The following TMTC1 variants were observed in gnomAD, a reference collection of about 807,000 sequenced individuals.
TMTC1 encodes the protein protein O-mannosyl-transferase TMTC1.
Under a neutral mutation model 104.8 loss-of-function variants are expected in TMTC1, and 73 were observed. That is an observed-to-expected ratio of 0.70 (90% confidence interval 0.58 to 0.85). The LOEUF (loss-of-function observed/expected upper bound fraction) is 0.85. TMTC1 is among the 40% of genes least tolerant of loss of function. TMTC1 has a pLI of 0.00. For missense variants in TMTC1, 1,035 were observed against 1,096.1 expected (o/e 0.94, Z 0.79); for synonymous variants, 434 against 428.7 (o/e 1.01, Z -0.15).
intron 1 of TMTC1, among the ~76,000 whole-genome samples, chr12:29,781,259 T>A (rs1165141268): frequency 6.6e-6 from 1 of 152,236 alleles, no homozygotes; most frequent in Non-Finnish European, 1.5e-5. Flanking sequence ...TCTTCTAGAT[T>A]TGCAACTCAA....
At chr12:29,600,561 CTGT>C (rs1426784797) in intron 7 of TMTC1, among the ~76,000 whole-genome samples, 2 of 152,208 alleles carry the variant, frequency 1.3e-5, no homozygotes, top group Non-Finnish European at 1.5e-5. Flanking sequence ...ACAATAATGA[CTGT>C]GAAGAAAGAT....
intron 9 of TMTC1, among the ~76,000 whole-genome samples, chr12:29,558,867 T>C (rs559033155): frequency 9.2e-5 from 14 of 152,342 alleles, no homozygotes; most frequent in African/African-American, 3.1e-4. Flanking sequence ...AATATGTTTC[T>C]GTACCTGTCC....
rs1457152703 is a variant in TMTC1 at position 29,534,720 on chromosome 12, C to T, written c.1785+1489G>A. ...AAGGAACTAAAATAAAGTTCAACAT[C>T]ATTAAAATCTTGATCATTTTTAAAA... On this transcript the variant is annotated intron_variant, in intron 11 of 17. Transcript: ENST00000539277. 13 of 152,152 alleles carry T rather than the reference C, an allele frequency of 8.5e-5. 1 individual carries two copies. The highest frequency in any genetic ancestry group is 2.9e-4 in the African/African-American group (12 of 41,428). The allele number at this position is 152,152 out of a possible 1,614,324, so 9.4% of individuals were successfully genotyped here.
intron 5 of TMTC1, among the ~76,000 whole-genome samples, chr12:29,731,108 A>G (rs930980961): frequency 1.3e-5 from 2 of 152,222 alleles, no homozygotes; most frequent in Admixed American, 1.3e-4. Flanking sequence ...CGTTTTTACT[A>G]AAAGAGAATT....
At chr12:29,541,103 C>CA (rs1565656856) in intron 10 of TMTC1, among the ~76,000 whole-genome samples, 1 of 152,088 alleles carries the variant, frequency 6.6e-6, no homozygotes, top group Non-Finnish European at 1.5e-5. Flanking sequence ...TAAAATTTGA[C>CA]AAAAGGTGAC....
intron 5 of TMTC1, among the ~76,000 whole-genome samples, chr12:29,710,864 T>G (rs1404396489): frequency 1.5e-5 from 2 of 136,782 alleles, no homozygotes; most frequent in Non-Finnish European, 3.1e-5. Context: ...AATATATTAA[T>G]TATATTATTA....
chr12:29,570,550 T>C (rs909463000), intron 9 of TMTC1, among the ~76,000 whole-genome samples: 1 of 152,184 alleles, frequency 6.6e-6, no homozygotes, highest in Non-Finnish European at 1.5e-5. Flanking sequence ...GTTTAAAACT[T>C]CTGCCATATT....
chr12:29,536,364 CTT>C (rs1251703334), intron 10 of TMTC1, 47 bp from the exon 11 acceptor site: 3 of 1,211,690 alleles, frequency 2.5e-6, no homozygotes, highest in East Asian at 2.3e-5. Context: ...TTTAATAACA[CTT>C]TGTTTCAATC....
At chr12:29,773,700 G>A (rs1367946249) in intron 1 of TMTC1, among the ~76,000 whole-genome samples, 2 of 152,088 alleles carry the variant, frequency 1.3e-5, no homozygotes, top group Non-Finnish European at 2.9e-5. Context: ...GGGACAATAT[G>A]ATTAATAAGC....
intron 6 of TMTC1, chr12:29,613,821 G>A (rs563153708): frequency 2.6e-6 from 1 of 379,746 alleles, no homozygotes; most frequent in Non-Finnish European, 3.6e-6. Context: ...CATCCCTCGG[G>A]CAAAGTCTTC....
At chr12:29,704,737 CATGTGTT>C (rs1941692849) in intron 5 of TMTC1, among the ~76,000 whole-genome samples, 1 of 152,068 alleles carries the variant, frequency 6.6e-6, no homozygotes, top group African/African-American at 2.4e-5. Flanking sequence ...GCTGACAGCA[CATGTGTT>C]ATGATCCAAG....
intron 5 of TMTC1, among the ~76,000 whole-genome samples, chr12:29,736,635 G>C (rs989272753): frequency 1.3e-5 from 2 of 152,138 alleles, no homozygotes; most frequent in African/African-American, 4.8e-5. Context: ...GGCCAGGCTG[G>C]TCTTAAACTC....
At chr12:29,687,027 A>T (rs945142693) in intron 5 of TMTC1, among the ~76,000 whole-genome samples, 6 of 152,226 alleles carry the variant, frequency 3.9e-5, no homozygotes, top group Admixed American at 3.9e-4. Flanking sequence ...CATAGTAGAA[A>T]GCTAAGAAAC....
chr12:29,772,340 A>G (rs4244848), intron 1 of TMTC1, among the ~76,000 whole-genome samples: 60,065 of 152,058 alleles, frequency 0.4, 12,402 homozygotes, highest in Admixed American at 0.54. Flanking sequence ...GAAGGCATTC[A>G]TTTATCATTA....
chr12:29,693,352 C>T (rs1342158889), intron 5 of TMTC1, among the ~76,000 whole-genome samples: 2 of 144,572 alleles, frequency 1.4e-5, no homozygotes, highest in African/African-American at 5.1e-5. Context: ...AAACATTTAT[C>T]TTTTCTTTGT....
chr12:29,698,098 C>G (rs1941477784), intron 5 of TMTC1, among the ~76,000 whole-genome samples: 1 of 152,098 alleles, frequency 6.6e-6, no homozygotes. Flanking sequence ...AAGACTGGAC[C>G]AACCAAGGAA....
chr12:29,614,945 G>A (rs750731126), intron 6 of TMTC1, among the ~76,000 whole-genome samples: 30 of 152,198 alleles, frequency 2.0e-4, no homozygotes, highest in Admixed American at 5.9e-4. Flanking sequence ...CAGAAAAATA[G>A]GGTTCACTGG....
intron 11 of TMTC1, among the ~76,000 whole-genome samples, chr12:29,525,269 G>A (rs181525591): frequency 2.2e-4 from 30 of 138,260 alleles, no homozygotes; most frequent in African/African-American, 1.8e-4. Context: ...CGCAACCTCC[G>A]TCTCCTGGGT....
In TMTC1 at chr12:29,609,149, A is replaced by G. The variant is rs190212903; in HGVS notation, c.1129-4850T>C. The stretch of plus-strand genomic sequence containing the variant: ...TTTCTCACCTCTAAACAAGTTTCAG[A>G]GAAATGGTACATTGCATTTAGGGTA... On this transcript the variant is annotated intron_variant, in intron 6 of 17. Transcript: ENST00000539277. Among the ~76,000 whole-genome samples the G allele has an allele frequency of 5.9e-5, 9 of 152,302 alleles. No homozygotes were observed. In the East Asian group the frequency reaches 1.5e-3, roughly 26 times the overall value.
Sources: gnomAD v4.1 joint callset for allele counts (sites outside exome capture counted in the v4.1 genomes callset) on GRCh38, gnomAD v4.1.1 for gene constraint, MANE v1.5 for transcripts, NCBI Gene and HGNC (gene_info 2026-07-23, HGNC 2026-07-21) for gene names.